Variants in GRK5 observed in about 807,000 individuals in gnomAD.
GRK5 encodes G protein-coupled receptor kinase 5, also known as g protein-coupled receptor kinase GRK5.
GRK5 carries 40 observed loss-of-function variants against 78.4 expected under a neutral mutation model. The ratio of observed to expected loss-of-function variants is 0.51; its 90% CI spans 0.40 to 0.66. GRK5 has a LOEUF of 0.66. Among genes scored for constraint, GRK5 ranks in the 30% least tolerant of loss-of-function variants. The pLI is 0.00. For synonymous variants in GRK5, 289 were observed against 296.8 expected, an observed-to-expected ratio of 0.97 and a Z score of 0.27; for missense variants, 598 against 759.9, an observed-to-expected ratio of 0.79 and a Z score of 2.50.
intron 2 of GRK5, among the ~76,000 whole-genome samples, chr10:119,345,892 T>C (rs1192642256): frequency 1.3e-5 from 2 of 152,088 alleles, no homozygotes; most frequent in South Asian, 4.1e-4. Context: ...GATTTTCTTC[T>C]TGCTTCTAGG....
At chr10:119,367,616 C>A (rs911253748) in intron 2 of GRK5, among the ~76,000 whole-genome samples, 1 of 152,254 alleles carries the variant, frequency 6.6e-6, no homozygotes, top group Non-Finnish European at 1.5e-5. Context: ...TCCTCTACAT[C>A]CCAAGAATGA....
chr10:119,458,928 T>G lies in GRK5; in HGVS notation c.*3861T>G, dbSNP rs1180217223. The G allele has an allele frequency of 1.3e-5, 2 of 152,020 alleles. No homozygotes were observed. Among genetic ancestry groups the G allele is most frequent in the African/African-American group, 4.8e-5 (2 of 41,380 alleles). The allele number at this position is 152,020 out of a possible 1,614,324, so 9.4% of individuals were successfully genotyped here. On this transcript the variant is annotated 3_prime_UTR_variant, in exon 16 of 16. Transcript: ENST00000392870. ...AAGGGGACGGTGGCTTCCTGGATAA[T>G]TGGAAATCTCTGAGAAGAAGAGGAA... is the stretch of plus-strand genomic sequence containing the variant.
rs575512273 is a variant in GRK5 at position 119,383,626 on chromosome 10, G to T, written c.261+2699G>T. Reference sequence around the variant, plus strand: ...TAGCAGTAACTATTTTTAACTTGTGGTTTTAAACATGTTGCGTGTGTATTG... The same window carrying T: ...TAGCAGTAACTATTTTTAACTTGTGTTTTTAAACATGTTGCGTGTGTATTG... On this transcript the variant is annotated intron_variant, in intron 3 of 15. Coordinates refer to ENST00000392870, the MANE Select transcript of GRK5 (RefSeq NM_005308.3). 6.6e-5 allele frequency among the ~76,000 whole-genome samples: 10 copies of T among 152,312 alleles called. No homozygotes were observed. In the South Asian group the frequency reaches 2.1e-3, roughly 32 times the overall value.
At chr10:119,240,628 GTCT>G (rs1849009476) in intron 1 of GRK5, among the ~76,000 whole-genome samples, 2 of 152,076 alleles carry the variant, frequency 1.3e-5, no homozygotes, top group South Asian at 4.1e-4. Flanking sequence ...CCACATAAAT[GTCT>G]TCTTTTGAGA....
chr10:119,428,588 C>T (rs1302172070), intron 6 of GRK5, among the ~76,000 whole-genome samples: 1 of 152,180 alleles, frequency 6.6e-6, no homozygotes, highest in Non-Finnish European at 1.5e-5. Flanking sequence ...CAGAGGCCCC[C>T]TCCCAAGTCC....
intron 1 of GRK5, among the ~76,000 whole-genome samples, chr10:119,323,376 C>T (rs549406098): frequency 3.9e-4 from 59 of 152,256 alleles, no homozygotes; most frequent in African/African-American, 1.3e-3. Flanking sequence ...CAGTAGTGTG[C>T]GAGAGGAATG....
intron 4 of GRK5, among the ~76,000 whole-genome samples, chr10:119,401,737 T>C (rs1852154513): frequency 6.6e-6 from 1 of 152,178 alleles, no homozygotes; most frequent in Non-Finnish European, 1.5e-5. Context: ...GGCTGTTGAA[T>C]GAGGAAATCG....
intron 1 of GRK5, among the ~76,000 whole-genome samples, chr10:119,234,906 C>T (rs1009871871): frequency 1.3e-5 from 2 of 152,074 alleles, no homozygotes; most frequent in Non-Finnish European, 2.9e-5. Context: ...AACTCCTGAC[C>T]TCAGGTGATC....
intron 2 of GRK5, among the ~76,000 whole-genome samples, chr10:119,340,301 A>AT (rs1297034453): frequency 2.0e-5 from 3 of 151,944 alleles, no homozygotes; most frequent in African/African-American, 7.3e-5. Flanking sequence ...TAAATTTTGT[A>AT]TTTTTAATAG....
chr10:119,239,239 T>G (rs1288059427), intron 1 of GRK5, among the ~76,000 whole-genome samples: 1 of 150,892 alleles, frequency 6.6e-6, no homozygotes, highest in East Asian at 1.9e-4. Flanking sequence ...GCAGAAGGTT[T>G]TTTTTTTTTT....
chr10:119,407,476 C>T (rs568372114), intron 4 of GRK5, among the ~76,000 whole-genome samples: 2 of 152,348 alleles, frequency 1.3e-5, no homozygotes, highest in Admixed American at 6.5e-5. Context: ...CTGAGACATT[C>T]GTAATGTCTG....
intron 1 of GRK5, among the ~76,000 whole-genome samples, chr10:119,222,875 G>A (rs901102542): frequency 1.3e-5 from 2 of 152,200 alleles, no homozygotes; most frequent in African/African-American, 4.8e-5. Context: ...GCCAAAAGGG[G>A]CCCGCATGGG....
At chr10:119,268,844 G>T (rs1038407410) in intron 1 of GRK5, among the ~76,000 whole-genome samples, 3 of 152,212 alleles carry the variant, frequency 2.0e-5, no homozygotes, top group Non-Finnish European at 2.9e-5. Context: ...TCCAGGCCTT[G>T]ATCTCAAGGT....
chr10:119,431,587 C>T lies in GRK5; in HGVS notation c.738+60C>T, dbSNP rs1589807069. The T allele has an allele frequency of 3.2e-6, 5 of 1,575,546 alleles. No homozygotes were observed. Among genetic ancestry groups the T allele is most frequent in the Non-Finnish European group, 4.3e-6 (5 of 1,159,226 alleles). On this transcript the variant is annotated intron_variant, in intron 8 of 15. Coordinates refer to ENST00000392870, the MANE Select transcript of GRK5 (RefSeq NM_005308.3). This position sits in a 1 kb window ranked among gnomAD's most constrained non-coding sequence, Gnocchi z 4.8. The stretch of plus-strand genomic sequence containing the variant: ...CCTTCTGTGGACTGGGGCTTCCCTC[C>T]CTCCGGAAGGGCGTGGTCCTCTAAT...
chr10:119,424,832 A>C (rs1360238531), intron 5 of GRK5, among the ~76,000 whole-genome samples, 161 bp from the exon 6 acceptor site: 1 of 152,156 alleles, frequency 6.6e-6, no homozygotes, highest in African/African-American at 2.4e-5. Context: ...CCAATTTCAT[A>C]CAACCCTCAG....
intron 2 of GRK5, among the ~76,000 whole-genome samples, chr10:119,346,007 C>T (rs1851084562): frequency 6.6e-6 from 1 of 151,994 alleles, no homozygotes; most frequent in South Asian, 2.1e-4. Context: ...CCCCCAAGGC[C>T]CTAGAGCATT....
At chr10:119,391,799 G>A (rs1564915666) in intron 3 of GRK5, among the ~76,000 whole-genome samples, 2 of 152,178 alleles carry the variant, frequency 1.3e-5, no homozygotes. Flanking sequence ...GGGGTGCATG[G>A]TGAGCATTGT....
At chr10:119,328,177 G>A (rs931007096) in intron 2 of GRK5, among the ~76,000 whole-genome samples, 2 of 152,218 alleles carry the variant, frequency 1.3e-5, no homozygotes, top group African/African-American at 2.4e-5. Context: ...CAGACACCAC[G>A]GTGCCGTGGA....
rs1406966316 is a variant in GRK5, at chr10:119,430,399, C to G, written c.558C>G (p.Phe186Leu). 1 of 1,613,620 alleles carries G rather than the reference C, an allele frequency of 6.2e-7. No individual in the cohort carries two copies. Among genetic ancestry groups the G allele is most frequent in the Admixed American group, 1.7e-5 (1 of 59,916 alleles). The change falls in exon 7 of 16, where the codon TTC (phenylalanine) becomes TTG (leucine). Residue 186 changes from phenylalanine to leucine, a missense_variant. Transcript: ENST00000392870. This position sits in a 1 kb window ranked among gnomAD's most constrained non-coding sequence, Gnocchi z 4.5. The part of the protein sequence containing the change: ...LERQPVTKNT[F>L]RQYRVLGKGG... ...GGCAACCGGTGACCAAAAACACTTT[C>G]AGGCAGTATCGAGTGCTAGGAAAAG...
Sources: gnomAD v4.1 joint callset for allele counts (sites outside exome capture counted in the v4.1 genomes callset) on GRCh38, gnomAD v4.1.1 for gene constraint, Gnocchi (gnomAD v3.1) non-coding constraint, MANE v1.5 for transcripts, NCBI Gene and HGNC (gene_info 2026-07-23, HGNC 2026-07-21) for gene names.